The following MROH2A variants were observed in gnomAD, a reference collection of about 807,000 sequenced individuals.
The protein encoded by MROH2A is maestro heat-like repeat-containing protein family member 2A.
Under a neutral mutation model 200.4 loss-of-function variants are expected in MROH2A, and 174 were observed. That is an observed-to-expected ratio of 0.87 (90% CI 0.77 to 0.98). The LOEUF is 0.98. Among genes scored for constraint, MROH2A ranks in the 50% least tolerant of loss-of-function variants. MROH2A has a pLI of 0.00. For missense variants in MROH2A, 2,045 were observed against 2,139.6 expected, an observed-to-expected ratio of 0.96 and a Z score of 0.87; for synonymous variants, 829 against 840.4, an observed-to-expected ratio of 0.99 and a Z score of 0.23.
intron 11 of MROH2A, 95 bp from the exon 12 acceptor site, chr2:233,798,679 G>A (rs1702265781): frequency 3.6e-6 from 3 of 841,834 alleles, no homozygotes; most frequent in Non-Finnish European, 5.9e-6. Context: ...TGGAGAATGT[G>A]GGAGGAGACA....
At chr2:233,802,740 C>T (rs1702548958) in intron 15 of MROH2A, among the ~76,000 whole-genome samples, 1 of 152,196 alleles carries the variant, frequency 6.6e-6, no homozygotes, top group African/African-American at 2.4e-5. Flanking sequence ...TAACACCAGG[C>T]TCTCAAAACA....
intron 13 of MROH2A, 116 bp downstream of exon 13, chr2:233,800,015 G>T (rs769042170): frequency 1.2e-5 from 17 of 1,382,866 alleles, no homozygotes; most frequent in Non-Finnish European, 1.7e-5. Context: ...ATCCATTCAT[G>T]ACAGGAGTTC....
At chr2:233,822,840 C>T in intron 33 of MROH2A, 41 bp from the exon 34 acceptor site, 2 of 1,544,766 alleles carry the variant, frequency 1.3e-6, no homozygotes, top group African/African-American at 1.4e-5. Flanking sequence ...GCCATGCGCT[C>T]CCAGCAGGGC....
At chr2:233,789,658 C>T in intron 4 of MROH2A, 30 bp downstream of exon 4, 1 of 1,448,406 alleles carries the variant, frequency 6.9e-7, no homozygotes, top group Non-Finnish European at 9.1e-7. Flanking sequence ...CGGTGCCTTC[C>T]CTCTGCCAGC....
chr2:233,823,058 G>T (rs934411175), intron 34 of MROH2A, 40 bp downstream of exon 34: 1 of 1,546,232 alleles, frequency 6.5e-7, no homozygotes, highest in Admixed American at 2.0e-5. Context: ...GGGACCTGCA[G>T]AGGCACCTCC....
chr2:233,788,263 GTAA>G (rs71973977), intron 3 of MROH2A, among the ~76,000 whole-genome samples: 17,359 of 128,240 alleles, frequency 0.14, 1,325 homozygotes, highest in South Asian at 0.17. Context: ...GTCCTTGGGA[GTAA>G]TAATAATAAT....
intron 8 of MROH2A, 74 bp downstream of exon 8, chr2:233,794,580 T>C: frequency 1.3e-6 from 1 of 770,554 alleles, no homozygotes; most frequent in East Asian, 2.7e-5. Flanking sequence ...TTAAAGGGGA[T>C]GAGTGGGAGC....
chr2:233,822,046 C>T, intron 31 of MROH2A, 78 bp from the exon 32 acceptor site: 1 of 1,465,276 alleles, frequency 6.8e-7, no homozygotes, highest in South Asian at 1.4e-5. Context: ...AGGGGGCTGC[C>T]AAGGGTTTGA....
At position 233,828,632 on chromosome 2, in the gene MROH2A, C is replaced by A. The variant is rs1480184255; in HGVS notation, c.4116C>A (p.Phe1372Leu). The change falls in exon 36 of 42, where the codon TTC (phenylalanine) becomes TTA (leucine). Residue 1372 changes from phenylalanine (F) to leucine (L), a missense_variant and splice_region_variant. Phe to Leu is a conservative substitution (Grantham distance 22, BLOSUM62 0). Transcript: ENST00000389758. The surrounding 1 kb of genome is among the most constrained non-coding windows in gnomAD (Gnocchi z 4.6). Reference sequence around the variant, plus strand: ...CTGCCCAATGTCCTCCCTTCCAGTTCATGAGCGGCCCAGTTCTGTACCAGG... The same window carrying A: ...CTGCCCAATGTCCTCCCTTCCAGTTAATGAGCGGCCCAGTTCTGTACCAGG... ...SCRISSTAVCFMSGPVLYQEK... is the reference protein window; with the variant it reads ...SCRISSTAVCLMSGPVLYQEK... 3 of 1,550,834 alleles carry A rather than the reference C, an allele frequency of 1.9e-6. No homozygotes were observed. Among genetic ancestry groups the A allele is most frequent in the Middle Eastern group, 1.7e-4 (1 of 5,974 alleles).
chr2:233,782,497 T>A (rs1559430494), intron 3 of MROH2A, among the ~76,000 whole-genome samples: 1 of 152,228 alleles, frequency 6.6e-6, no homozygotes, highest in Non-Finnish European at 1.5e-5. Context: ...TTTTTCAAAA[T>A]GGGTGAAGTG....
chr2:233,779,432 C>T lies in MROH2A; in HGVS notation c.74C>T (p.Pro25Leu). 6.5e-7 allele frequency: 1 copy of T among 1,549,528 alleles called. No individual in the cohort carries two copies. The highest frequency in any genetic ancestry group is 8.7e-7 in the Non-Finnish European group (1 of 1,146,098). The change falls in exon 2 of 42, where the codon CCT (proline) becomes CTT (leucine). Residue 25 changes from proline (P) to leucine (L), a missense_variant. Around this residue, in one of 3 missense-constraint regions of MROH2A, gnomAD observed 831 missense variants for 800.0 expected, o/e 1.04. Coordinates refer to ENST00000389758, the MANE Select transcript of MROH2A (RefSeq NM_001394639.1). ...TCAGAGGAAAGAGACGACCTGGGGC[C>T]TCTTGAATTACATGACAGTGGTAAG... ...EVSEERDDLG[P>L]LELHDSGTFQ...
At chr2:233,798,932 CA>C in intron 12 of MROH2A, 82 bp downstream of exon 12, 1 of 1,167,492 alleles carries the variant, frequency 8.6e-7, no homozygotes, top group Non-Finnish European at 1.2e-6. Flanking sequence ...CTCTGGGAGG[CA>C]GAGGCTTTTG....
intron 24 of MROH2A, among the ~76,000 whole-genome samples, chr2:233,812,837 G>A (rs1397147167): frequency 6.6e-6 from 1 of 152,244 alleles, no homozygotes; most frequent in East Asian, 1.9e-4. Context: ...TTGGTGCAAA[G>A]TTGGCATTTG....
At position 233,795,986 on chromosome 2, in the gene MROH2A, C is replaced by T; in HGVS notation, c.1079C>T (p.Ala360Val). The change falls in exon 10 of 42, where the codon GCC (alanine) becomes GTC (valine). Residue 360 changes from alanine (A) to valine (V), a missense_variant. Ala to Val is a moderately conservative substitution (Grantham distance 64). Transcript: ENST00000389758. The part of the protein sequence containing the change: ...LHVQVCNKAP[A>V]QHQYSSQNLM... Reference sequence around the variant, plus strand: ...CACCAGGTGTGCAACAAGGCCCCGGCCCAGCATCAGTACAGCAGCCAGAAT... The same window carrying T: ...CACCAGGTGTGCAACAAGGCCCCGGTCCAGCATCAGTACAGCAGCCAGAAT... 6.4e-7 allele frequency: 1 copy of T among 1,550,616 alleles called. No homozygotes were observed. The highest frequency in any genetic ancestry group is 8.7e-7 in the Non-Finnish European group (1 of 1,146,988).
Position 233,810,852 on chromosome 2 carries a change from A to G in MROH2A, c.2507A>G (p.Asn836Ser), listed in dbSNP as rs1341356431. Reference protein sequence around the residue: ...KSVVQVTKAINNIKDLEDFHF... With the variant: ...KSVVQVTKAISNIKDLEDFHF... ...GTTGTGCAGGTTACCAAGGCCATCAACAACATCAAGGACCTGGAGGACTTT... is the reference window on the plus strand; with the variant it reads ...GTTGTGCAGGTTACCAAGGCCATCAGCAACATCAAGGACCTGGAGGACTTT... The change falls in exon 23 of 42, where the codon AAC becomes AGC. Residue 836 changes from asparagine (N) to serine (S), a missense_variant. Physicochemically the swap from Asn to Ser is conservative, Grantham distance 46. Coordinates refer to ENST00000389758, the MANE Select transcript of MROH2A (RefSeq NM_001394639.1). 1.9e-6 allele frequency: 3 copies of G among 1,550,500 alleles called. No homozygotes were observed. Among genetic ancestry groups the G allele is most frequent in the South Asian group, 2.4e-5 (2 of 84,064 alleles).
chr2:233,779,345 A>G lies in MROH2A; in HGVS notation c.-14A>G. 6.5e-7 allele frequency: 1 copy of G among 1,532,572 alleles called. No individual in the cohort carries two copies. The highest frequency in any genetic ancestry group is 8.8e-7 in the Non-Finnish European group (1 of 1,130,646). 94.9% of individuals were successfully genotyped at this position (1,532,572 alleles called of 1,614,324 possible). Reference sequence around the variant, plus strand: ...TTACAAATTCTGTTGATCTCAAAAGAGCTTGAGGAAGAGATGACTGAAGCC... The same window carrying G: ...TTACAAATTCTGTTGATCTCAAAAGGGCTTGAGGAAGAGATGACTGAAGCC... On this transcript the variant is annotated splice_region_variant and 5_prime_UTR_variant, in exon 2 of 42. Transcript: ENST00000389758.
At position 233,822,964 on chromosome 2, in the gene MROH2A, G is replaced by A; in HGVS notation, c.3950G>A (p.Trp1317Ter). 1 of 1,550,576 alleles carries A rather than the reference G, an allele frequency of 6.4e-7. No homozygotes were observed. The highest frequency in any genetic ancestry group is 8.7e-7 in the Non-Finnish European group (1 of 1,146,972). ...LAHTLDEQAV[W>*]DLLQDGGTFL... Reference sequence around the variant, plus strand: ...CATACCCTGGACGAGCAGGCAGTGTGGGACCTCCTGCAGGACGGCGGGACA... The same window carrying A: ...CATACCCTGGACGAGCAGGCAGTGTAGGACCTCCTGCAGGACGGCGGGACA... Residue 1317 changes from tryptophan (W) to a stop codon, truncating the protein, a stop_gained, in exon 34 of 42, where the codon TGG becomes TAG. Coordinates refer to ENST00000389758, the MANE Select transcript of MROH2A (RefSeq NM_001394639.1). LOFTEE classifies it high-confidence loss of function.
chr2:233,787,458 A>T (rs1403339134), intron 3 of MROH2A, among the ~76,000 whole-genome samples: 1 of 90,552 alleles, frequency 1.1e-5, no homozygotes, highest in Non-Finnish European at 2.1e-5. Flanking sequence ...CATATATATT[A>T]TATATATATA....
chr2:233,822,315 CAG>C, intron 32 of MROH2A, 32 bp downstream of exon 32: 2 of 1,548,262 alleles, frequency 1.3e-6, no homozygotes, highest in Non-Finnish European at 1.7e-6. Flanking sequence ...CAAGGCTCCT[CAG>C]GGGTCTCTGG....
Sources: allele counts gnomAD v4.1 joint callset (sites outside exome capture counted in the v4.1 genomes callset), GRCh38; gene constraint gnomAD v4.1.1; regional missense constraint gnomAD v4.1.1; non-coding constraint Gnocchi (gnomAD v3.1); transcripts MANE v1.5; gene names NCBI Gene and HGNC (gene_info 2026-07-23, HGNC 2026-07-21).